The following CCSER1 variants were observed in gnomAD, a reference collection of about 807,000 sequenced individuals.
CCSER1 encodes coiled-coil serine rich protein 1, also known as serine-rich coiled-coil domain-containing protein 1.
In CCSER1, 41 loss-of-function variants were observed where a neutral mutation model predicts 82.0. That is an observed-to-expected ratio of 0.50 (90% confidence interval 0.39 to 0.65). The LOEUF (loss-of-function observed/expected upper bound fraction) is 0.65, where lower values mean the gene tolerates loss of function less well. Ranked by LOEUF, CCSER1 falls within the 30% of genes least tolerant of loss-of-function variation. CCSER1 has a pLI of 0.00. For missense variants in CCSER1, 1,119 were observed against 1,064.2 expected, an observed-to-expected ratio of 1.05 and a Z score of -0.72; for synonymous variants, 414 against 383.9, an observed-to-expected ratio of 1.08 and a Z score of -0.92.
chr4:91,340,717 G>A (rs1275991586), intron 10 of CCSER1, among the ~76,000 whole-genome samples: 1 of 152,046 alleles, frequency 6.6e-6, no homozygotes, highest in East Asian at 1.9e-4. Context: ...GTATACATCT[G>A]TTTAATTGTT....
chr4:91,197,268 A>G (rs1207189316), intron 10 of CCSER1, among the ~76,000 whole-genome samples: 2 of 152,338 alleles, frequency 1.3e-5, no homozygotes, highest in East Asian at 1.9e-4. Flanking sequence ...GCTTTTCTCA[A>G]TTGAAGCCTT....
At chr4:90,682,598 G>A (rs868480281) in intron 6 of CCSER1, among the ~76,000 whole-genome samples, 14 of 151,772 alleles carry the variant, frequency 9.2e-5, no homozygotes, top group Admixed American at 2.0e-4. Context: ...GCTCTGTTCC[G>A]TAAAGTCATT....
intron 1 of CCSER1, among the ~76,000 whole-genome samples, chr4:90,176,936 C>T (rs1207741488): frequency 6.6e-6 from 1 of 152,010 alleles, no homozygotes; most frequent in Non-Finnish European, 1.5e-5. Context: ...GAACAACCTG[C>T]TGTTGGTACA....
At chr4:90,664,429 T>G (rs1731349907) in intron 6 of CCSER1, among the ~76,000 whole-genome samples, 1 of 151,298 alleles carries the variant, frequency 6.6e-6, no homozygotes, top group Non-Finnish European at 1.5e-5. Flanking sequence ...GAAAAGGGAG[T>G]TTTTTTTGTC....
In CCSER1 at chr4:90,551,704, C is replaced by CTATATATATA. The variant is rs1242206717; in HGVS notation, c.1725-76320_1725-76319insATATATATAT. On this transcript the variant is annotated intron_variant, in intron 5 of 10. Transcript: ENST00000509176. ...TCTCTCTCTCTCTCTCTCTCTCTCT[C>CTATATATATA]TCTATATATATATATATATATATGT... Among the ~76,000 whole-genome samples, 45 of 107,564 alleles carry CTATATATATA rather than the reference C, an allele frequency of 4.2e-4. 1 individual carries two copies. The highest frequency in any genetic ancestry group is 2.8e-3 in the East Asian group (10 of 3,620). 70.6% of individuals were successfully genotyped at this position (107,564 alleles called of 152,430 possible).
intron 10 of CCSER1, among the ~76,000 whole-genome samples, chr4:91,134,955 G>GGC (rs1728332539): frequency 6.6e-6 from 1 of 151,916 alleles, no homozygotes; most frequent in Non-Finnish European, 1.5e-5. Context: ...AGCTACTCGG[G>GGC]AGGCTGAGGC....
chr4:90,666,196 A>G (rs1731753480), intron 6 of CCSER1, among the ~76,000 whole-genome samples: 1 of 152,160 alleles, frequency 6.6e-6, no homozygotes, highest in African/African-American at 2.4e-5. Context: ...CAAAGTTTAT[A>G]TGATTATATT....
chr4:90,157,779 A>T (rs1321788587), intron 1 of CCSER1, among the ~76,000 whole-genome samples: 1 of 151,730 alleles, frequency 6.6e-6, no homozygotes, highest in Non-Finnish European at 1.5e-5. Context: ...ATTCATCTAA[A>T]TTTTTTTCGA....
intron 9 of CCSER1, among the ~76,000 whole-genome samples, chr4:90,961,841 T>C (rs1267289209): frequency 6.6e-6 from 1 of 152,110 alleles, no homozygotes; most frequent in Non-Finnish European, 1.5e-5. Flanking sequence ...CTTTTTCTGA[T>C]CTGAAAGTTG....
intron 4 of CCSER1, among the ~76,000 whole-genome samples, chr4:90,439,902 T>G (rs1476737978): frequency 6.6e-6 from 1 of 152,206 alleles, no homozygotes; most frequent in Non-Finnish European, 1.5e-5. Context: ...CTTTTTTATT[T>G]GTTAAAACAA....
intron 10 of CCSER1, among the ~76,000 whole-genome samples, chr4:91,416,457 A>T (rs895776300): frequency 6.6e-6 from 1 of 152,182 alleles, no homozygotes; most frequent in African/African-American, 2.4e-5. Flanking sequence ...TTCAAACTAT[A>T]TCACAAGGCT....
chr4:91,477,622 G>A (rs947520248), intron 10 of CCSER1, among the ~76,000 whole-genome samples: 2 of 151,554 alleles, frequency 1.3e-5, no homozygotes, highest in African/African-American at 4.8e-5. Flanking sequence ...TGTATGTCAA[G>A]TTATGGTTAT....
At chr4:90,929,901 G>A (rs1310154381) in intron 9 of CCSER1, among the ~76,000 whole-genome samples, 2 of 152,176 alleles carry the variant, frequency 1.3e-5, no homozygotes, top group South Asian at 2.1e-4. Context: ...GATAAGTAAT[G>A]GGATGGTTGA....
In CCSER1 at chr4:91,393,531, T is replaced by C. The variant is rs1221454413; in HGVS notation, c.2218-205041T>C. 5.3e-5 allele frequency among the ~76,000 whole-genome samples: 8 copies of C among 152,186 alleles called. No homozygotes were observed. In the South Asian group the frequency reaches 1.7e-3, roughly 32 times the overall value. Reference sequence around the variant, plus strand: ...TTATGAAACTGAATTCAGAAAACTCTCATTTCAAAGTAACCTGAAGACAAA... The same window carrying C: ...TTATGAAACTGAATTCAGAAAACTCCCATTTCAAAGTAACCTGAAGACAAA... On this transcript the variant is annotated intron_variant, in intron 10 of 10. Transcript: ENST00000509176.
chr4:90,385,544 C>G (rs1204166828), intron 3 of CCSER1, among the ~76,000 whole-genome samples: 20 of 150,456 alleles, frequency 1.3e-4, no homozygotes, highest in Non-Finnish European at 2.5e-4. Context: ...ACTGCAAGCT[C>G]CACCTCACGG....
At chr4:90,484,276 A>AT (rs1398170415) in intron 5 of CCSER1, among the ~76,000 whole-genome samples, 3 of 151,278 alleles carry the variant, frequency 2.0e-5, no homozygotes, top group Non-Finnish European at 2.9e-5. Context: ...CATTCATCTA[A>AT]TTTTTTTTCA....
intron 8 of CCSER1, among the ~76,000 whole-genome samples, chr4:90,880,097 T>C (rs1430160575): frequency 1.3e-5 from 2 of 152,184 alleles, no homozygotes; most frequent in African/African-American, 2.4e-5. Context: ...CTCCCCTGTT[T>C]CCTCTCAGTT....
At chr4:90,755,058 T>C (rs531015504) in intron 7 of CCSER1, among the ~76,000 whole-genome samples, 1 of 152,286 alleles carries the variant, frequency 6.6e-6, no homozygotes, top group South Asian at 2.1e-4. Flanking sequence ...AAAAAAACCA[T>C]ACTTGCTAGC....
chr4:91,042,260 T>G (rs925440020), intron 9 of CCSER1, among the ~76,000 whole-genome samples: 2 of 152,156 alleles, frequency 1.3e-5, no homozygotes, highest in African/African-American at 4.8e-5. Flanking sequence ...TATAAGTGTT[T>G]GGTAGTGCAT....
Sources: allele counts gnomAD v4.1 joint callset (sites outside exome capture counted in the v4.1 genomes callset), GRCh38; gene constraint gnomAD v4.1.1; transcripts MANE v1.5; gene names NCBI Gene and HGNC (gene_info 2026-07-23, HGNC 2026-07-21).